MYO1E: variants seen among roughly 807,000 people sequenced by gnomAD.
The protein encoded by MYO1E is myosin IE, also known as unconventional myosin-Ie.
Under a neutral mutation model 151.1 loss-of-function variants are expected in MYO1E, and 68 were observed. That is an observed-to-expected ratio of 0.45 (90% CI 0.37 to 0.55). MYO1E has a LOEUF of 0.55. Ranked by LOEUF, MYO1E falls within the 20% of genes least tolerant of loss-of-function variation. The pLI is 0.00. For missense variants in MYO1E, 1,363 were observed against 1,389.3 expected, an observed-to-expected ratio of 0.98 and a Z score of 0.30; for synonymous variants, 601 against 501.7, an observed-to-expected ratio of 1.20 and a Z score of -2.64.
Position 59,279,006 on chromosome 15 carries a change from T to C in MYO1E, c.4-6557A>G, listed in dbSNP as rs996543414. On this transcript the variant is annotated intron_variant, in intron 1 of 27. Coordinates refer to ENST00000288235, the MANE Select transcript of MYO1E (RefSeq NM_004998.4). ...GGCACGTGAGGCTCGGGGAAGGGAA[T>C]ACTCAATGAATATGGAGTATGTGCT... Among the ~76,000 whole-genome samples the C allele has an allele frequency of 7.9e-5, 12 of 152,102 alleles. No homozygotes were observed. In the South Asian group the frequency reaches 1.2e-3, roughly 16 times the overall value.
At chr15:59,236,563 T>C (rs1172408280) in intron 5 of MYO1E, 22 bp downstream of exon 5, 2 of 1,576,132 alleles carry the variant, frequency 1.3e-6, no homozygotes, top group Non-Finnish European at 1.7e-6. Context: ...TAAGGTATCA[T>C]AATGGGCCAC....
chr15:59,311,919 G>C (rs533324210), intron 1 of MYO1E, among the ~76,000 whole-genome samples: 2 of 152,082 alleles, frequency 1.3e-5, no homozygotes, highest in African/African-American at 4.8e-5. Context: ...GCTTTCTGCC[G>C]TGTTGAAGCA....
chr15:59,255,529 G>A (rs2080189180), intron 4 of MYO1E, among the ~76,000 whole-genome samples: 1 of 152,042 alleles, frequency 6.6e-6, no homozygotes, highest in Non-Finnish European at 1.5e-5. Context: ...CTAGTATCTG[G>A]GATTAGAGGC....
intron 26 of MYO1E, among the ~76,000 whole-genome samples, chr15:59,142,920 C>CAAAAAAA (rs10717979): frequency 1.1e-5 from 1 of 87,226 alleles, no homozygotes; most frequent in Non-Finnish European, 2.3e-5. Context: ...TAATTAGGTG[C>CAAAAAAA]AAAAAAAAAA....
intron 12 of MYO1E, among the ~76,000 whole-genome samples, chr15:59,211,870 G>A (rs890570054): frequency 7.9e-5 from 12 of 151,904 alleles, no homozygotes; most frequent in Non-Finnish European, 5.9e-5. Context: ...CATGTCTAGC[G>A]CAGTCTCCTG....
At chr15:59,200,376 G>C (rs1180545194) in intron 16 of MYO1E, among the ~76,000 whole-genome samples, 1 of 152,206 alleles carries the variant, frequency 6.6e-6, no homozygotes. Context: ...AATTTCATTT[G>C]TTTTCTGCCT....
rs80027646 is a variant in MYO1E at position 59,208,643 on chromosome 15, T to C, written c.1530+38A>G. ...GAAACCAGATCACAAACCCAAAGGC[T>C]TAAAACAGATAGACATTAAAATGGA... On this transcript the variant is annotated intron_variant, in intron 14 of 27. Transcript: ENST00000288235. 0.065 allele frequency: 105,143 copies of C among 1,612,766 alleles called. 4,287 individuals are homozygous for C. Among genetic ancestry groups the C allele is most frequent in the African/African-American group, 0.19 (14,419 of 74,940 alleles).
chr15:59,237,568 A>G (rs561679426), intron 4 of MYO1E, among the ~76,000 whole-genome samples: 1 of 152,330 alleles, frequency 6.6e-6, no homozygotes, highest in Admixed American at 6.5e-5. Flanking sequence ...AAAGAACCCC[A>G]TATCATATAA....
chr15:59,330,088 G>A (rs559389354), intron 1 of MYO1E, among the ~76,000 whole-genome samples: 1 of 152,212 alleles, frequency 6.6e-6, no homozygotes, highest in East Asian at 1.9e-4. Flanking sequence ...GTGGATTTCT[G>A]TATTCTCTGC....
At chr15:59,256,035 A>G (rs994864189) in intron 4 of MYO1E, among the ~76,000 whole-genome samples, 1 of 152,258 alleles carries the variant, frequency 6.6e-6, no homozygotes, top group Non-Finnish European at 1.5e-5. Flanking sequence ...TCATCTGACT[A>G]AACAGTGAAA....
intron 10 of MYO1E, 80 bp from the exon 11 acceptor site, chr15:59,214,800 G>A (rs1215862946): frequency 9.2e-7 from 1 of 1,092,566 alleles, no homozygotes. Flanking sequence ...AAGGGAAGCT[G>A]GATTCTACAC....
At chr15:59,252,354 A>G (rs1032571544) in intron 4 of MYO1E, among the ~76,000 whole-genome samples, 1 of 152,142 alleles carries the variant, frequency 6.6e-6, no homozygotes, top group Non-Finnish European at 1.5e-5. Flanking sequence ...AAGCTGAGGT[A>G]GGCAGATAAC....
At chr15:59,265,872 T>C (rs544686332) in intron 2 of MYO1E, among the ~76,000 whole-genome samples, 35 of 147,746 alleles carry the variant, frequency 2.4e-4, no homozygotes, top group South Asian at 1.1e-3. Context: ...GAGGCTGAGG[T>C]GGGAGGATCA....
At chr15:59,150,390 G>A (rs7174277) in intron 26 of MYO1E, among the ~76,000 whole-genome samples, 56,016 of 152,094 alleles carry the variant, frequency 0.37, 10,455 homozygotes, top group Admixed American at 0.43. Flanking sequence ...AAGACACAGT[G>A]TTCCTAAATT....
intron 4 of MYO1E, among the ~76,000 whole-genome samples, chr15:59,240,383 T>TG (rs1392790853): frequency 6.6e-6 from 1 of 151,536 alleles, no homozygotes; most frequent in African/African-American, 2.4e-5. Context: ...TGTGTCTGTG[T>TG]GTGGGGGGGG....
chr15:59,357,598 TG>T (rs1271842637), intron 1 of MYO1E, among the ~76,000 whole-genome samples: 130 of 2,336 alleles, frequency 0.056, no homozygotes, highest in Admixed American at 0.18. Flanking sequence ...CTATTTTTGT[TG>T]TTGTTGTTGT....
chr15:59,361,949 G>C (rs1379575434), intron 1 of MYO1E, among the ~76,000 whole-genome samples: 8 of 152,030 alleles, frequency 5.3e-5, no homozygotes, highest in Non-Finnish European at 1.2e-4. Context: ...CGATTCTCCT[G>C]CCTCAGCCTC....
At chr15:59,372,195 C>T (rs578146505) in intron 1 of MYO1E, among the ~76,000 whole-genome samples, 1 of 152,096 alleles carries the variant, frequency 6.6e-6, no homozygotes, top group African/African-American at 2.4e-5. Flanking sequence ...CGCGCCGTGC[C>T]CCTCGCAGCC....
Position 59,153,702 on chromosome 15 carries a change from T to G in MYO1E, c.2968A>C (p.Thr990Pro). 6.2e-7 allele frequency: 1 copy of G among 1,614,064 alleles called. No individual in the cohort carries two copies. The highest frequency in any genetic ancestry group is 2.2e-5 in the East Asian group (1 of 44,882). ...SQRSNQKSLY[T>P]SMARPPLPRQ... ...GGCAAGGGCGGGCGGGCCATGGAGG[T>G]GTACAGGCTTTTCTGATTGGACCTC... is the stretch of plus-strand genomic sequence containing the variant. Residue 990 changes from threonine (T) to proline (P), a missense_variant, in exon 26 of 28, where the codon ACC becomes CCC. Transcript: ENST00000288235.
Sources: allele counts gnomAD v4.1 joint callset (sites outside exome capture counted in the v4.1 genomes callset), GRCh38; gene constraint gnomAD v4.1.1; transcripts MANE v1.5; gene names NCBI Gene and HGNC (gene_info 2026-07-23, HGNC 2026-07-21).